The following PCDH15 variants were observed in gnomAD, a reference collection of about 807,000 sequenced individuals.
PCDH15 encodes protocadherin-15.
PCDH15 carries 129 observed loss-of-function variants against 178.5 expected under a neutral mutation model. The observed-to-expected ratio is 0.72, with a 90% CI of 0.63 to 0.84. The LOEUF (loss-of-function observed/expected upper bound fraction) is 0.84. Among genes scored for constraint, PCDH15 ranks in the 40% least tolerant of loss-of-function variants. The probability of loss-of-function intolerance (pLI) is 0.00; values close to 1 mark genes in which losing one functional copy is unlikely to be tolerated. For missense variants in PCDH15, 2,230 were observed against 2,099.9 expected (o/e 1.06, Z -1.21); for synonymous variants, 800 against 732.0 (o/e 1.09, Z -1.50).
chr10:54,432,554 C>A (rs1052670094), intron 3 of PCDH15, among the ~76,000 whole-genome samples: 1 of 152,110 alleles, frequency 6.6e-6, no homozygotes, highest in South Asian at 2.1e-4. Flanking sequence ...TGACCCCTAT[C>A]TACTGCCATA....
At chr10:55,025,994 G>A (rs761407613) in intron 2 of PCDH15, among the ~76,000 whole-genome samples, 7 of 152,010 alleles carry the variant, frequency 4.6e-5, no homozygotes, top group Non-Finnish European at 8.8e-5. Flanking sequence ...AATACCTGGA[G>A]TAAAATTTAG....
At chr10:53,864,944 A>G (rs184122361) in intron 27 of PCDH15, among the ~76,000 whole-genome samples, 33 of 152,244 alleles carry the variant, frequency 2.2e-4, no homozygotes, top group Non-Finnish European at 3.1e-4. Context: ...CCGTCATGTA[A>G]CAATACTATA....
chr10:55,504,472 A>C (rs1467324845), intron 2 of PCDH15, among the ~76,000 whole-genome samples: 1 of 151,452 alleles, frequency 6.6e-6, no homozygotes, highest in Non-Finnish European at 1.5e-5. Context: ...AGTGTTTAAA[A>C]TAAAAAATTC....
At chr10:54,366,563 C>G (rs1946826412) in intron 5 of PCDH15, among the ~76,000 whole-genome samples, 1 of 151,828 alleles carries the variant, frequency 6.6e-6, no homozygotes, top group Non-Finnish European at 1.5e-5. Flanking sequence ...AGATAAAATT[C>G]ATGTCAACTA....
At chr10:54,730,866 T>C (rs981283661) in intron 1 of PCDH15, among the ~76,000 whole-genome samples, 3 of 151,446 alleles carry the variant, frequency 2.0e-5, no homozygotes, top group Non-Finnish European at 3.0e-5. Context: ...TTTGTGTGTG[T>C]AATATCTCAA....
At chr10:54,420,833 T>C (rs965445713) in intron 3 of PCDH15, among the ~76,000 whole-genome samples, 8 of 152,078 alleles carry the variant, frequency 5.3e-5, no homozygotes, top group Non-Finnish European at 1.2e-4. Flanking sequence ...TATTTTTTTC[T>C]AATAAATATG....
rs565752927 is a variant in PCDH15 at position 54,182,174 on chromosome 10, C to T, written c.1590+1270G>A. On this transcript the variant is annotated intron_variant, in intron 13 of 37. Transcript: ENST00000644397. Reference sequence around the variant, plus strand: ...TAGAGGTGGGGTTTCACCATATTGCCCAGGCTGGTCTCGAGCTCCTTAGCT... The same window carrying T: ...TAGAGGTGGGGTTTCACCATATTGCTCAGGCTGGTCTCGAGCTCCTTAGCT... 3.9e-5 allele frequency among the ~76,000 whole-genome samples: 6 copies of T among 152,200 alleles called. No individual in the cohort carries two copies. In the East Asian group the frequency reaches 5.8e-4, roughly 15 times the overall value.
At chr10:54,700,506 A>AT (rs2095295400) in intron 1 of PCDH15, among the ~76,000 whole-genome samples, 1 of 152,150 alleles carries the variant, frequency 6.6e-6, no homozygotes, top group Non-Finnish European at 1.5e-5. Flanking sequence ...CAAAATAGCC[A>AT]TTTTAAGAAA....
intron 3 of PCDH15, among the ~76,000 whole-genome samples, chr10:54,882,129 A>G (rs924775596): frequency 9.9e-5 from 15 of 152,110 alleles, no homozygotes; most frequent in African/African-American, 3.6e-4. Context: ...GCATGAAACA[A>G]TAGCTTAAAA....
chr10:54,810,701 C>T (rs539296491), intron 3 of PCDH15, among the ~76,000 whole-genome samples: 11 of 151,790 alleles, frequency 7.2e-5, no homozygotes, highest in Middle Eastern at 3.4e-3. Context: ...AACAAAGGAC[C>T]CTATTTGAAA....
intron 15 of PCDH15, among the ~76,000 whole-genome samples, chr10:54,102,915 G>A (rs1029872273): frequency 1.1e-4 from 17 of 152,158 alleles, no homozygotes; most frequent in Non-Finnish European, 2.1e-4. Flanking sequence ...AAGAATCAAC[G>A]TCAGCTCAGA....
intron 2 of PCDH15, among the ~76,000 whole-genome samples, chr10:55,146,643 C>T (rs1838521334): frequency 6.6e-6 from 1 of 151,702 alleles, no homozygotes; most frequent in South Asian, 2.1e-4. Context: ...TTTATAAGCA[C>T]CAAAAGATTA....
intron 2 of PCDH15, among the ~76,000 whole-genome samples, chr10:55,023,966 G>T (rs1471032333): frequency 6.7e-6 from 1 of 148,440 alleles, no homozygotes; most frequent in Non-Finnish European, 1.5e-5. Context: ...CAGAGAAAGA[G>T]ATTTTATATA....
chr10:54,692,575 T>C (rs1169704826), intron 1 of PCDH15, among the ~76,000 whole-genome samples: 1 of 151,256 alleles, frequency 6.6e-6, no homozygotes, highest in Admixed American at 6.6e-5. Context: ...TAGAAAAGAG[T>C]TCACAAATAA....
chr10:55,261,299 A>T (rs1479895687), intron 1 of PCDH15, among the ~76,000 whole-genome samples: 1 of 152,182 alleles, frequency 6.6e-6, no homozygotes, highest in East Asian at 1.9e-4. Context: ...TGTTAAGGCT[A>T]ACATTTCTTC....
chr10:54,904,683 A>G (rs868267927), intron 2 of PCDH15, among the ~76,000 whole-genome samples: 1 of 152,116 alleles, frequency 6.6e-6, no homozygotes, highest in African/African-American at 2.4e-5. Context: ...AAGACTAGAA[A>G]TAAACTACCA....
intron 2 of PCDH15, among the ~76,000 whole-genome samples, chr10:55,467,472 T>C (rs949991703): frequency 6.6e-6 from 1 of 152,084 alleles, no homozygotes; most frequent in African/African-American, 2.4e-5. Context: ...AATGAATATT[T>C]TATAAACCTT....
chr10:54,689,995 T>C (rs377491916), intron 1 of PCDH15, among the ~76,000 whole-genome samples: 4 of 151,954 alleles, frequency 2.6e-5, no homozygotes, highest in Admixed American at 2.6e-4. Context: ...AACTGTGGAG[T>C]TGCAAAAAAT....
intron 1 of PCDH15, among the ~76,000 whole-genome samples, chr10:54,788,943 A>G (rs1016387327): frequency 1.3e-5 from 2 of 151,890 alleles, no homozygotes; most frequent in African/African-American, 4.8e-5. Flanking sequence ...AAGGTCCTCT[A>G]GAAACTTGGT....
Sources: gnomAD v4.1 joint callset for allele counts (sites outside exome capture counted in the v4.1 genomes callset) on GRCh38, gnomAD v4.1.1 for gene constraint, MANE v1.5 for transcripts, NCBI Gene and HGNC (gene_info 2026-07-23, HGNC 2026-07-21) for gene names.